Variants in TAFA1 observed in about 807,000 individuals in gnomAD.
TAFA1 encodes the protein TAFA chemokine like family member 1.
A neutral mutation model predicts 18.5 loss-of-function variants in TAFA1; 4 were observed. That is an observed-to-expected ratio of 0.22 (90% CI 0.11 to 0.49). TAFA1 has a LOEUF of 0.49. Among genes scored for constraint, TAFA1 ranks in the 20% least tolerant of loss-of-function variants. TAFA1 has a pLI of 0.98. For synonymous variants in TAFA1, 56 were observed against 55.2 expected (o/e 1.01, Z -0.06); for missense variants, 147 against 169.0 (o/e 0.87, Z 0.72).
chr3:68,456,839 A>G (rs2071676161), intron 3 of TAFA1, among the ~76,000 whole-genome samples: 1 of 152,158 alleles, frequency 6.6e-6, no homozygotes, highest in East Asian at 1.9e-4. Flanking sequence ...TTGAAATGAT[A>G]GGCAACTGCA....
At chr3:68,104,645 T>C (rs1282353599) in intron 2 of TAFA1, among the ~76,000 whole-genome samples, 1 of 152,100 alleles carries the variant, frequency 6.6e-6, no homozygotes, top group Non-Finnish European at 1.5e-5. Flanking sequence ...GCCCAGAGCC[T>C]TTTATAAAGT....
chr3:68,118,303 C>T (rs111483271), intron 2 of TAFA1, among the ~76,000 whole-genome samples: 124 of 152,192 alleles, frequency 8.1e-4, no homozygotes, highest in African/African-American at 2.9e-3. Flanking sequence ...TAATAGGGTT[C>T]TCACTACCAT....
chr3:68,153,827 C>T (rs564661894), intron 2 of TAFA1, among the ~76,000 whole-genome samples: 1 of 152,220 alleles, frequency 6.6e-6, no homozygotes, highest in Admixed American at 6.5e-5. Flanking sequence ...TTGCTATTGC[C>T]TACGTGTTGC....
At chr3:68,316,598 T>G (rs1309703053) in intron 2 of TAFA1, among the ~76,000 whole-genome samples, 1 of 152,076 alleles carries the variant, frequency 6.6e-6, no homozygotes, top group Non-Finnish European at 1.5e-5. Flanking sequence ...AATAAAAACC[T>G]TTTAGTTTTT....
At chr3:68,542,636 A>G (rs867286984) in intron 4 of TAFA1, among the ~76,000 whole-genome samples, 1 of 152,138 alleles carries the variant, frequency 6.6e-6, no homozygotes, top group Non-Finnish European at 1.5e-5. Context: ...TTATGAATGC[A>G]TGACCTAGAG....
At chr3:68,032,061 G>C (rs9874728) in intron 2 of TAFA1, among the ~76,000 whole-genome samples, 2 of 151,878 alleles carry the variant, frequency 1.3e-5, no homozygotes, top group African/African-American at 4.8e-5. Context: ...TGCACTTTTA[G>C]TCTTAAATCT....
At chr3:68,342,531 A>G (rs1465628408) in intron 2 of TAFA1, among the ~76,000 whole-genome samples, 1 of 152,210 alleles carries the variant, frequency 6.6e-6, no homozygotes. Context: ...TCATGTCTTA[A>G]TTGTGATACC....
chr3:68,037,294 C>T (rs1418037733), intron 2 of TAFA1, among the ~76,000 whole-genome samples: 1 of 152,090 alleles, frequency 6.6e-6, no homozygotes, highest in Non-Finnish European at 1.5e-5. Flanking sequence ...GGGCTTTTGT[C>T]TGGAGATGAC....
chr3:68,437,766 T>G (rs562319763), intron 3 of TAFA1, among the ~76,000 whole-genome samples: 23 of 152,236 alleles, frequency 1.5e-4, no homozygotes, highest in African/African-American at 5.5e-4. Context: ...ACATAAGTTT[T>G]GGAGGGTACA....
At chr3:68,059,503 A>G (rs973788591) in intron 2 of TAFA1, among the ~76,000 whole-genome samples, 1 of 152,166 alleles carries the variant, frequency 6.6e-6, no homozygotes, top group Non-Finnish European at 1.5e-5. Context: ...CCTGGAAGGA[A>G]CAGTACCCAT....
intron 2 of TAFA1, among the ~76,000 whole-genome samples, chr3:68,059,861 C>T (rs902479490): frequency 6.6e-6 from 1 of 152,116 alleles, no homozygotes; most frequent in South Asian, 2.1e-4. Context: ...ATTGTTTTTA[C>T]TTAGAAGAGC....
At chr3:68,134,024 T>C (rs1575636554) in intron 2 of TAFA1, among the ~76,000 whole-genome samples, 1 of 133,036 alleles carries the variant, frequency 7.5e-6, no homozygotes, top group Non-Finnish European at 1.6e-5. Context: ...GACCTCAGAG[T>C]AGAGATAGGA....
intron 3 of TAFA1, among the ~76,000 whole-genome samples, chr3:68,515,337 A>T (rs1255956463): frequency 1.3e-5 from 2 of 152,142 alleles, no homozygotes; most frequent in Admixed American, 1.3e-4. Flanking sequence ...TCAGCAGGAG[A>T]GGAATCATAG....
At chr3:68,191,112 G>A (rs2066334778) in intron 2 of TAFA1, among the ~76,000 whole-genome samples, 1 of 151,782 alleles carries the variant, frequency 6.6e-6, no homozygotes, top group African/African-American at 2.4e-5. Context: ...GATGGGAGAG[G>A]TGAATGCTGT....
intron 2 of TAFA1, among the ~76,000 whole-genome samples, chr3:68,405,141 T>A (rs1283419491): frequency 6.6e-6 from 1 of 152,194 alleles, no homozygotes; most frequent in Admixed American, 6.5e-5. Context: ...CCTTTATATC[T>A]TCATAAAGGA....
chr3:68,191,046 A>G (rs4575906), intron 2 of TAFA1, among the ~76,000 whole-genome samples: 100,338 of 151,564 alleles, frequency 0.66, 33,963 homozygotes, highest in South Asian at 0.78. Context: ...ATTTGGATTC[A>G]GCTGGTCTTG....
chr3:68,390,009 T>C (rs1194348520), intron 2 of TAFA1, among the ~76,000 whole-genome samples: 1 of 151,956 alleles, frequency 6.6e-6, no homozygotes, highest in Non-Finnish European at 1.5e-5. Context: ...GTGACAACCG[T>C]TCACTCCCCT....
chr3:68,076,325 A>G (rs1445196822), intron 2 of TAFA1, among the ~76,000 whole-genome samples: 1 of 150,666 alleles, frequency 6.6e-6, no homozygotes, highest in Non-Finnish European at 1.5e-5. Context: ...TTTAAATTAT[A>G]CTTTAAGTTT....
At chr3:68,055,174 C>T (rs1039731322) in intron 2 of TAFA1, among the ~76,000 whole-genome samples, 2 of 151,996 alleles carry the variant, frequency 1.3e-5, no homozygotes, top group Non-Finnish European at 2.9e-5. Flanking sequence ...AAACTTAATC[C>T]CCTGAAGAAA....
Sources: gnomAD v4.1 joint callset for allele counts (sites outside exome capture counted in the v4.1 genomes callset) on GRCh38, gnomAD v4.1.1 for gene constraint, MANE v1.5 for transcripts, NCBI Gene and HGNC (gene_info 2026-07-23, HGNC 2026-07-21) for gene names.